The following ATP9B variants were observed in gnomAD, a reference collection of about 807,000 sequenced individuals.
The protein encoded by ATP9B is probable phospholipid-transporting ATPase IIB.
In ATP9B, 110 loss-of-function variants were observed where a neutral mutation model predicts 146.1. The ratio of observed to expected loss-of-function variants is 0.75; its 90% CI spans 0.65 to 0.88. The LOEUF is 0.88. Among genes scored for constraint, ATP9B ranks in the 40% least tolerant of loss-of-function variants. The pLI, the probability that ATP9B is intolerant of heterozygous loss-of-function variation, is 0.00. For missense variants in ATP9B, 1,499 were observed against 1,496.4 expected (o/e 1.00, Z -0.03); for synonymous variants, 604 against 569.7 (o/e 1.06, Z -0.86).
intron 5 of ATP9B, among the ~76,000 whole-genome samples, chr18:79,138,923 C>G (rs923118592): frequency 9.9e-5 from 15 of 151,988 alleles, no homozygotes; most frequent in South Asian, 2.1e-4. Flanking sequence ...CAAAAATTAG[C>G]CGAGTGTGGT....
chr18:79,335,983 G>A (rs1197730059), intron 17 of ATP9B, among the ~76,000 whole-genome samples: 1 of 151,830 alleles, frequency 6.6e-6, no homozygotes, highest in African/African-American at 2.4e-5. Context: ...TACACCAGGA[G>A]CCCTCCCTGG....
At chr18:79,256,862 C>CTA (rs903800352) in intron 12 of ATP9B, among the ~76,000 whole-genome samples, 1 of 152,156 alleles carries the variant, frequency 6.6e-6, no homozygotes, top group African/African-American at 2.4e-5. Context: ...GCGAATCATC[C>CTA]TACATATTCT....
chr18:79,259,345 C>T (rs1337445620), intron 12 of ATP9B, among the ~76,000 whole-genome samples: 1 of 152,180 alleles, frequency 6.6e-6, no homozygotes, highest in East Asian at 1.9e-4. Flanking sequence ...ACTCTTTCGT[C>T]CGTATGCTTT....
At chr18:79,194,442 A>T (rs8090398) in intron 9 of ATP9B, 84,987 of 152,114 alleles carry the variant, frequency 0.56, 25,514 homozygotes, top group African/African-American at 0.79. Flanking sequence ...GAGCAAGTGC[A>T]GGTTGGCTGA....
At chr18:79,252,319 C>T (rs940557971) in intron 11 of ATP9B, among the ~76,000 whole-genome samples, 2 of 152,220 alleles carry the variant, frequency 1.3e-5, no homozygotes, top group East Asian at 1.9e-4. Flanking sequence ...AAGGTTATGC[C>T]GCTAAGTGGC....
chr18:79,070,625 C>G (rs1488321391), intron 1 of ATP9B, among the ~76,000 whole-genome samples: 1 of 151,926 alleles, frequency 6.6e-6, no homozygotes. Context: ...AATGTGCCAC[C>G]TGTTTCAAAA....
chr18:79,069,407 G>A lies in ATP9B; in HGVS notation c.-4G>A. On this transcript the variant is annotated 5_prime_UTR_variant, in exon 1 of 30. Coordinates refer to ENST00000426216, the MANE Select transcript of ATP9B (RefSeq NM_198531.5). ...GGGAGGGGCGGGAAAGGGGCGGTCG[G>A]AACATGGCGGACCAGATCCCGCTTT... 4.0e-6 allele frequency: 6 copies of A among 1,506,528 alleles called. No homozygotes were observed. The highest frequency in any genetic ancestry group is 5.3e-6 in the Non-Finnish European group (6 of 1,130,876). 93.3% of individuals were successfully genotyped at this position (1,506,528 alleles called of 1,614,324 possible). A position where few individuals can be genotyped will look rare whatever the true frequency, so the allele number is the denominator to read the frequency against.
intron 4 of ATP9B, among the ~76,000 whole-genome samples, chr18:79,114,668 GATAA>G (rs1194500272): frequency 1.3e-5 from 2 of 152,166 alleles, no homozygotes; most frequent in African/African-American, 4.8e-5. Context: ...GAAATTACTA[GATAA>G]ATGAATACAT....
At chr18:79,359,841 C>T (rs997855097) in intron 26 of ATP9B, 2 of 234,420 alleles carry the variant, frequency 8.5e-6, no homozygotes, top group Admixed American at 4.8e-5. Flanking sequence ...CGTCACTGCA[C>T]CTGCTGCAGA....
intron 10 of ATP9B, among the ~76,000 whole-genome samples, chr18:79,210,302 C>T (rs984714679): frequency 2.0e-5 from 3 of 152,222 alleles, no homozygotes; most frequent in Non-Finnish European, 4.4e-5. Flanking sequence ...CTCTCTAAGG[C>T]AAGGTTGACA....
chr18:79,152,744 C>T (rs925180205), intron 6 of ATP9B, among the ~76,000 whole-genome samples: 88 of 152,074 alleles, frequency 5.8e-4, no homozygotes, highest in Admixed American at 2.6e-4. Context: ...GGTCAGGTGT[C>T]GTCTCCCATC....
At chr18:79,268,660 A>T (rs918614948) in intron 12 of ATP9B, among the ~76,000 whole-genome samples, 17 of 152,226 alleles carry the variant, frequency 1.1e-4, no homozygotes, top group Admixed American at 2.0e-4. Context: ...ACCCCAAAGA[A>T]AACCCTGGTT....
rs778501286 is a variant in ATP9B at position 79,176,827 on chromosome 18, C to T, written c.793C>T (p.Arg265Ter). The change falls in exon 8 of 30, where the codon CGA (arginine) becomes TGA (stop). Residue 265 changes from arginine (R) to a stop codon, truncating the protein, a stop_gained. Coordinates refer to ENST00000426216, the MANE Select transcript of ATP9B (RefSeq NM_198531.5). LOFTEE classifies it high-confidence loss of function. ...CTACTTCCAAGGTTCGTGTTTTATT[C>T]GAACTGATCAACTAGATGGTGAAAC... ...TSEKAGSCFI[R>*]TDQLDGETDW... 18 of 1,613,922 alleles carry T rather than the reference C, an allele frequency of 1.1e-5. No homozygotes were observed. In the East Asian group the frequency reaches 3.6e-4, roughly 32 times the overall value.
intron 11 of ATP9B, among the ~76,000 whole-genome samples, chr18:79,221,998 A>T (rs540150483): frequency 1.8e-3 from 274 of 151,490 alleles, no homozygotes; most frequent in Non-Finnish European, 3.4e-3. Context: ...GAAAAGCATA[A>T]CTCATATCCC....
At chr18:79,291,236 A>G (rs937770329) in intron 13 of ATP9B, among the ~76,000 whole-genome samples, 3 of 152,048 alleles carry the variant, frequency 2.0e-5, no homozygotes, top group Admixed American at 6.5e-5. Context: ...GCTACATACC[A>G]TAGCCGAGTC....
At chr18:79,106,290 G>A (rs182311228) in intron 2 of ATP9B, among the ~76,000 whole-genome samples, 3 of 152,176 alleles carry the variant, frequency 2.0e-5, no homozygotes, top group East Asian at 1.9e-4. Flanking sequence ...CTTCTCCCTC[G>A]TTGTGCAATA....
chr18:79,114,762 C>A (rs1167799113), intron 4 of ATP9B, among the ~76,000 whole-genome samples: 1 of 152,086 alleles, frequency 6.6e-6, no homozygotes, highest in East Asian at 1.9e-4. Flanking sequence ...TGGCGCTCAT[C>A]CCATTAATAT....
At position 79,270,738 on chromosome 18, in the gene ATP9B, A is replaced by G. The variant is rs538623223; in HGVS notation, c.1269-6316A>G. On this transcript the variant is annotated intron_variant, in intron 12 of 29. Transcript: ENST00000426216. ...CGGTGCTCACCTTTCCCCATTCCTGAGTTTCCAATTTTGATTCATTCTCAA... is the reference window on the plus strand; with the variant it reads ...CGGTGCTCACCTTTCCCCATTCCTGGGTTTCCAATTTTGATTCATTCTCAA... Among the ~76,000 whole-genome samples the G allele has an allele frequency of 3.5e-4, 54 of 152,192 alleles. No individual in the cohort carries two copies. In the South Asian group the frequency reaches 0.011, roughly 31 times the overall value.
At chr18:79,345,221 T>C (rs762328784) in intron 21 of ATP9B, among the ~76,000 whole-genome samples, 5 of 152,206 alleles carry the variant, frequency 3.3e-5, no homozygotes, top group African/African-American at 4.8e-5. Context: ...AGGAGAAGGA[T>C]GGTTCCATGT....
Sources: gnomAD v4.1 joint callset for allele counts (sites outside exome capture counted in the v4.1 genomes callset) on GRCh38, gnomAD v4.1.1 for gene constraint, MANE v1.5 for transcripts, NCBI Gene and HGNC (gene_info 2026-07-23, HGNC 2026-07-21) for gene names.